The following DYNC2H1 variants were observed in gnomAD, a reference collection of about 807,000 sequenced individuals.
DYNC2H1 encodes the protein cytoplasmic dynein 2 heavy chain 1.
DYNC2H1 carries 410 observed loss-of-function variants against 570.0 expected under a neutral mutation model. That is an observed-to-expected ratio of 0.72 (90% confidence interval 0.66 to 0.78). DYNC2H1 has a LOEUF of 0.78. Among genes scored for constraint, DYNC2H1 ranks in the 30% least tolerant of loss-of-function variants. The pLI, the probability that DYNC2H1 is intolerant of heterozygous loss-of-function variation, is 0.00. For missense variants in DYNC2H1, 4,865 were observed against 5,046.4 expected (o/e 0.96, Z 1.09); for synonymous variants, 1,688 against 1,677.6 (o/e 1.01, Z -0.15).
At chr11:103,143,119 G>A in intron 17 of DYNC2H1, 149 bp from the exon 18 acceptor site, 2 of 670,376 alleles carry the variant, frequency 3.0e-6, no homozygotes, top group Non-Finnish European at 4.8e-6. Context: ...TCTTTAGGCT[G>A]TGCAGTAATG....
At chr11:103,372,727 G>A (rs1762713385) in intron 83 of DYNC2H1, among the ~76,000 whole-genome samples, 1 of 152,080 alleles carries the variant, frequency 6.6e-6, no homozygotes, top group South Asian at 2.1e-4. Context: ...TCCTTCTCTG[G>A]TTTTGGAATC....
At chr11:103,112,410 G>T (rs1015330742) in intron 1 of DYNC2H1, among the ~76,000 whole-genome samples, 2 of 152,156 alleles carry the variant, frequency 1.3e-5, no homozygotes, top group African/African-American at 4.8e-5. Context: ...TAGGACAGAG[G>T]TTGGCAAAAA....
At position 103,205,114 on chromosome 11, in the gene DYNC2H1, C is replaced by T; in HGVS notation, c.8454+150C>T. The T allele has an allele frequency of 6.8e-6, 5 of 740,674 alleles. No individual in the cohort carries two copies. The highest frequency in any genetic ancestry group is 2.2e-5 in the South Asian group (1 of 45,226). 45.9% of individuals were successfully genotyped at this position (740,674 alleles called of 1,614,324 possible). ...TTTGGAAATGTCTGTTTTCTTCGTA[C>T]TCTTGCATCATAATTTAGTTGAATG... On this transcript the variant is annotated intron_variant, in intron 52 of 88. Coordinates refer to ENST00000375735, the MANE Select transcript of DYNC2H1 (RefSeq NM_001377.3). This position sits in a 1 kb window ranked among gnomAD's most constrained non-coding sequence, Gnocchi z 4.5.
intron 54 of DYNC2H1, 127 bp from the exon 55 acceptor site, chr11:103,215,594 C>A: frequency 1.2e-6 from 1 of 844,066 alleles, no homozygotes; most frequent in Non-Finnish European, 1.6e-6. Flanking sequence ...AAACCTAAGT[C>A]TACTTGCTAC....
Position 103,334,088 on chromosome 11 carries a change from A to G in DYNC2H1, c.12039+10098A>G, listed in dbSNP as rs1252848786. On this transcript the variant is annotated intron_variant, in intron 82 of 88. Coordinates refer to ENST00000375735, the MANE Select transcript of DYNC2H1 (RefSeq NM_001377.3). The surrounding 1 kb of genome is among the most constrained non-coding windows in gnomAD (Gnocchi z 4.3). ...ATGGTGTAAAATTTGTTATTTTTGA[A>G]CAAAAGTCAGAAAAATATGGGCCAA... is the stretch of plus-strand genomic sequence containing the variant. Among the ~76,000 whole-genome samples the G allele has an allele frequency of 6.6e-6, 1 of 152,212 alleles. No individual in the cohort carries two copies. The highest frequency in any genetic ancestry group is 1.5e-5 in the Non-Finnish European group (1 of 68,026).
intron 47 of DYNC2H1, among the ~76,000 whole-genome samples, chr11:103,193,091 C>T (rs1052109334): frequency 1.3e-5 from 2 of 152,134 alleles, no homozygotes; most frequent in African/African-American, 4.8e-5. Flanking sequence ...CTAAAGGGAA[C>T]TTCGAGGGTG....
intron 84 of DYNC2H1, among the ~76,000 whole-genome samples, chr11:103,408,842 A>C (rs536143109): frequency 2.0e-5 from 3 of 152,038 alleles, no homozygotes; most frequent in Non-Finnish European, 4.4e-5. Flanking sequence ...ATTATGCTCC[A>C]AGGTCACCCC....
intron 52 of DYNC2H1, among the ~76,000 whole-genome samples, chr11:103,206,957 T>C (rs1862950835): frequency 6.6e-6 from 1 of 152,124 alleles, no homozygotes; most frequent in South Asian, 2.1e-4. Context: ...AGTCTTGCTC[T>C]GTCGCCCAGG....
chr11:103,361,676 A>G (rs1263209543), intron 83 of DYNC2H1, among the ~76,000 whole-genome samples: 1 of 152,220 alleles, frequency 6.6e-6, no homozygotes, highest in Non-Finnish European at 1.5e-5. Context: ...GGCAGCTTAC[A>G]TTACGGTGGC....
rs889746607 is a variant in DYNC2H1, at chr11:103,249,051, G to T, written c.10042+3677G>T. ...GTACAACACAGATTCTGTGTTCAGA[G>T]GAAAAAAGTAGTCAAAATTAACTGC... On this transcript the variant is annotated intron_variant, in intron 65 of 88. Coordinates refer to ENST00000375735, the MANE Select transcript of DYNC2H1 (RefSeq NM_001377.3). The surrounding 1 kb of genome is among the most constrained non-coding windows in gnomAD (Gnocchi z 4.6). Among the ~76,000 whole-genome samples, 1 of 151,802 alleles carries T rather than the reference G, an allele frequency of 6.6e-6. No individual in the cohort carries two copies. The highest frequency in any genetic ancestry group is 1.5e-5 in the Non-Finnish European group (1 of 67,878).
chr11:103,194,760 C>T (rs756872484), intron 47 of DYNC2H1, among the ~76,000 whole-genome samples: 3 of 152,084 alleles, frequency 2.0e-5, no homozygotes, highest in Non-Finnish European at 2.9e-5. Context: ...CTCTGTTTCC[C>T]AGGCTGGAGT....
rs931499858 is a variant in DYNC2H1, at chr11:103,439,083, C to T, written c.12456+3051C>T. On this transcript the variant is annotated intron_variant, in intron 85 of 88. Transcript: ENST00000375735. The surrounding 1 kb of genome is among the most constrained non-coding windows in gnomAD (Gnocchi z 4.1). The stretch of plus-strand genomic sequence containing the variant: ...AAACAAAATAGACATACATCTTGTT[C>T]TCCAGGAACTATCCTTACAACTTAT... Among the ~76,000 whole-genome samples, 1 of 152,128 alleles carries T rather than the reference C, an allele frequency of 6.6e-6. No homozygotes were observed. Among genetic ancestry groups the T allele is most frequent in the Non-Finnish European group, 1.5e-5 (1 of 68,010 alleles).
chr11:103,166,051 A>T lies in DYNC2H1; in HGVS notation c.4762+3A>T. The T allele has an allele frequency of 6.6e-7, 1 of 1,509,566 alleles. No homozygotes were observed. The highest frequency in any genetic ancestry group is 1.4e-5 in the South Asian group (1 of 73,612). 93.5% of individuals were successfully genotyped at this position (1,509,566 alleles called of 1,614,324 possible). ...TTCTGAGGATCCAGGGAATACTGGT[A>T]TGGAAAAGACATTCCCTTTTCTGCC... is the stretch of plus-strand genomic sequence containing the variant. On this transcript the variant is annotated splice_donor_region_variant and intron_variant, in intron 31 of 88. Coordinates refer to ENST00000375735, the MANE Select transcript of DYNC2H1 (RefSeq NM_001377.3).
rs1279246454 is a variant in DYNC2H1, at chr11:103,465,605, C to A, written c.12649-2984C>A. 6.6e-6 allele frequency among the ~76,000 whole-genome samples: 1 copy of A among 152,128 alleles called. No homozygotes were observed. The highest frequency in any genetic ancestry group is 1.5e-5 in the Non-Finnish European group (1 of 68,020). ...CTTTGCTGATTTACTCAGACCCACTCTGCATCTGCATTCGGCTAGATCAGT... is the reference window on the plus strand; with the variant it reads ...CTTTGCTGATTTACTCAGACCCACTATGCATCTGCATTCGGCTAGATCAGT... On this transcript the variant is annotated intron_variant, in intron 87 of 88. Coordinates refer to ENST00000375735, the MANE Select transcript of DYNC2H1 (RefSeq NM_001377.3). This position sits in a 1 kb window ranked among gnomAD's most constrained non-coding sequence, Gnocchi z 4.9.
rs11820293 is a variant in DYNC2H1, at chr11:103,299,078, A to C, written c.11096-4015A>C. 5.9e-5 allele frequency among the ~76,000 whole-genome samples: 9 copies of C among 151,966 alleles called. No homozygotes were observed. Among genetic ancestry groups the C allele is most frequent in the African/African-American group, 1.9e-4 (8 of 41,388 alleles). On this transcript the variant is annotated intron_variant, in intron 75 of 88. Transcript: ENST00000375735. This position sits in a 1 kb window ranked among gnomAD's most constrained non-coding sequence, Gnocchi z 4.5. ...ACTATCATGAGGAGTATATTATACT[A>C]TGTGTATTGAGGTATTGGAAATGTA...
intron 30 of DYNC2H1, 112 bp from the exon 31 acceptor site, chr11:103,165,786 G>A: frequency 1.3e-6 from 1 of 784,230 alleles, no homozygotes; most frequent in East Asian, 3.0e-5. Flanking sequence ...CATTAAGATG[G>A]AGAGATCCAA....
At chr11:103,260,090 T>G in intron 70 of DYNC2H1, 113 bp downstream of exon 70, 1 of 599,268 alleles carries the variant, frequency 1.7e-6, no homozygotes, top group Non-Finnish European at 2.6e-6. Context: ...AAAAATGGTA[T>G]TTCTGGTATT....
In DYNC2H1 at chr11:103,399,854, T is replaced by G. The variant is rs747346760; in HGVS notation, c.12348T>G (p.Ser4116Arg). ...GTTCAGAAGTACAAAAATTGGCAAG[T>G]GCTTTATTAAACCAAAAGGTAAGCG... ...LLSSEVQKLA[S>R]ALLNQKCPLA... Residue 4116 changes from serine to arginine, a missense_variant, in exon 84 of 89, where the codon AGT (serine) becomes AGG (arginine). Ser to Arg is a moderately radical substitution (Grantham distance 110). This residue lies in a region of DYNC2H1 where 2,401 missense variants were observed against 2,454.6 expected (regional missense o/e 0.98). Coordinates refer to ENST00000375735, the MANE Select transcript of DYNC2H1 (RefSeq NM_001377.3). 6.2e-7 allele frequency: 1 copy of G among 1,613,694 alleles called. No homozygotes were observed. Among genetic ancestry groups the G allele is most frequent in the South Asian group, 1.1e-5 (1 of 90,984 alleles).
intron 83 of DYNC2H1, among the ~76,000 whole-genome samples, chr11:103,385,286 AC>A (rs1189058961): frequency 6.6e-6 from 1 of 151,680 alleles, no homozygotes; most frequent in Non-Finnish European, 1.5e-5. Flanking sequence ...CTTTTCTGGA[AC>A]TCTGATATTG....
Sources: allele counts gnomAD v4.1 joint callset (sites outside exome capture counted in the v4.1 genomes callset), GRCh38; gene constraint gnomAD v4.1.1; regional missense constraint gnomAD v4.1.1; non-coding constraint Gnocchi (gnomAD v3.1); transcripts MANE v1.5; gene names NCBI Gene and HGNC (gene_info 2026-07-23, HGNC 2026-07-21).